PREX2: variants seen among roughly 807,000 people sequenced by gnomAD.
PREX2 encodes phosphatidylinositol 3,4,5-trisphosphate-dependent Rac exchanger 2 protein.
Under a neutral mutation model 203.2 loss-of-function variants are expected in PREX2, and 107 were observed. That is an observed-to-expected ratio of 0.53 (90% CI 0.45 to 0.62). PREX2 has a LOEUF of 0.62. Among genes scored for constraint, PREX2 ranks in the 20% least tolerant of loss-of-function variants. PREX2 has a pLI of 0.00. For missense variants in PREX2, 1,777 were observed against 1,955.9 expected, an observed-to-expected ratio of 0.91 and a Z score of 1.72; for synonymous variants, 672 against 663.6, an observed-to-expected ratio of 1.01 and a Z score of -0.19.
chr8:68,058,735 C>T (rs1002394407), intron 10 of PREX2, among the ~76,000 whole-genome samples: 6 of 152,038 alleles, frequency 3.9e-5, no homozygotes, highest in African/African-American at 4.8e-5. Flanking sequence ...TTGCCCGGCC[C>T]GACATTCTTA....
intron 33 of PREX2, among the ~76,000 whole-genome samples, chr8:68,141,862 T>A (rs1280275177): frequency 6.6e-6 from 1 of 152,204 alleles, no homozygotes; most frequent in Non-Finnish European, 1.5e-5. Context: ...CTTTTAAATA[T>A]TATATAGTCC....
At chr8:68,171,922 G>A (rs879643762) in intron 35 of PREX2, among the ~76,000 whole-genome samples, 5 of 152,070 alleles carry the variant, frequency 3.3e-5, no homozygotes, top group Admixed American at 2.6e-4. Context: ...GAGATATTAC[G>A]TGATGTGATT....
intron 8 of PREX2, among the ~76,000 whole-genome samples, chr8:68,047,490 T>G (rs1035976138): frequency 2.6e-5 from 3 of 115,290 alleles, no homozygotes; most frequent in East Asian, 2.1e-4. Context: ...TATATATATA[T>G]ATATATATAT....
At chr8:68,055,067 A>G (rs988832471) in intron 9 of PREX2, among the ~76,000 whole-genome samples, 1 of 151,970 alleles carries the variant, frequency 6.6e-6, no homozygotes, top group Admixed American at 6.6e-5. Flanking sequence ...TAACAGTGTC[A>G]CTCTTTTAAA....
At chr8:68,024,648 G>T (rs1585714865) in intron 4 of PREX2, among the ~76,000 whole-genome samples, 1 of 151,812 alleles carries the variant, frequency 6.6e-6, no homozygotes, top group South Asian at 2.1e-4. Flanking sequence ...TGTAATTATT[G>T]ATATGATGGT....
intron 36 of PREX2, 124 bp from the exon 37 acceptor site, chr8:68,192,211 C>G (rs1419566424): frequency 1.4e-6 from 1 of 692,840 alleles, no homozygotes; most frequent in Non-Finnish European, 2.4e-6. Context: ...TATTAGTAGT[C>G]TCTAATTCCA....
intron 21 of PREX2, among the ~76,000 whole-genome samples, chr8:68,094,327 G>A (rs1031089389): frequency 4.1e-4 from 63 of 152,296 alleles, no homozygotes; most frequent in African/African-American, 1.4e-3. Context: ...TTGACAGTAA[G>A]GAAAGGAGCA....
intron 1 of PREX2, among the ~76,000 whole-genome samples, chr8:67,968,070 T>TA (rs11377523): frequency 0.6 from 85,799 of 142,490 alleles, 26,053 homozygotes; most frequent in African/African-American, 0.75. Context: ...ACTTAAAGTA[T>TA]AAAAAAAAAA....
chr8:68,099,346 A>T (rs530906296), intron 22 of PREX2, among the ~76,000 whole-genome samples: 1 of 152,234 alleles, frequency 6.6e-6, no homozygotes, highest in South Asian at 2.1e-4. Flanking sequence ...AAAATATAGA[A>T]GTGTCCCACA....
At chr8:68,068,998 A>G in intron 11 of PREX2, 35 bp from the exon 12 acceptor site, 5 of 839,678 alleles carry the variant, frequency 6.0e-6, no homozygotes, top group Non-Finnish European at 9.2e-6. Context: ...CTTTTAGAGT[A>G]TCGTTATTTT....
chr8:68,129,639 C>T (rs1810961545), intron 31 of PREX2, among the ~76,000 whole-genome samples: 1 of 151,972 alleles, frequency 6.6e-6, no homozygotes, highest in Admixed American at 6.6e-5. Context: ...TGTCTAGAAA[C>T]CATCTCATTC....
Position 68,191,799 on chromosome 8 carries a change from A to ATTTTT in PREX2, c.4413+12_4413+13insTTTTT. The ATTTTT allele has an allele frequency of 6.4e-7, 1 of 1,552,870 alleles. No individual in the cohort carries two copies. Among genetic ancestry groups the ATTTTT allele is most frequent in the Non-Finnish European group, 8.9e-7 (1 of 1,128,672 alleles). On this transcript the variant is annotated intron_variant, in intron 36 of 39. Transcript: ENST00000288368. ...GCCTATGTAGATAAGGTAAAAACAG[A>ATTTTT]TGATTATATTTATTGGTGCTTTTTA...
At chr8:68,010,610 C>T (rs1189319847) in intron 1 of PREX2, among the ~76,000 whole-genome samples, 3 of 152,216 alleles carry the variant, frequency 2.0e-5, no homozygotes, top group Non-Finnish European at 4.4e-5. Flanking sequence ...TCTTCTCCAC[C>T]TCTCTGTGAG....
chr8:68,093,677 C>T lies in PREX2; in HGVS notation c.2323C>T (p.Pro775Ser), dbSNP rs145498732. Residue 775 changes from proline to serine, a missense_variant, in exon 21 of 40, where the codon CCC becomes TCC. Coordinates refer to ENST00000288368, the MANE Select transcript of PREX2 (RefSeq NM_024870.4). ...AGACCTTCAAAAATCTCACTCCAAG[C>T]CCCCTGGAGATGAAGCAGGGGATGC... ...QEDLQKSHSK[P>S]PGDEAGDAFD... 7 of 1,609,320 alleles carry T rather than the reference C, an allele frequency of 4.3e-6. No homozygotes were observed. In the African/African-American group the frequency reaches 9.4e-5, roughly 22 times the overall value.
chr8:68,047,772 G>A (rs563144805), intron 8 of PREX2, among the ~76,000 whole-genome samples: 2 of 151,530 alleles, frequency 1.3e-5, no homozygotes, highest in Non-Finnish European at 2.9e-5. Flanking sequence ...TATACTCTAT[G>A]TATGATAAAA....
In PREX2 at chr8:68,019,643, A is replaced by G; in HGVS notation, c.308A>G (p.Gln103Arg). The stretch of plus-strand genomic sequence containing the variant: ...TTACACCCCGAACCTAATGCTCAAC[A>G]AGAAGTGGGAACCTGCTTTCTTCAC... ...ECLHPEPNAQ[Q>R]EVGTCFLHFK... The change falls in exon 3 of 40, where the codon CAA becomes CGA. Residue 103 changes from glutamine (Q) to arginine (R), a missense_variant. Transcript: ENST00000288368. The G allele has an allele frequency of 6.2e-7, 1 of 1,612,168 alleles. No homozygotes were observed. The highest frequency in any genetic ancestry group is 8.5e-7 in the Non-Finnish European group (1 of 1,179,464).
chr8:68,107,059 G>A (rs7018104), intron 23 of PREX2, among the ~76,000 whole-genome samples: 72,298 of 151,862 alleles, frequency 0.48, 17,723 homozygotes, highest in African/African-American at 0.59. Context: ...ACCATCTGCC[G>A]GGGGAGCTAG....
intron 39 of PREX2, among the ~76,000 whole-genome samples, chr8:68,231,056 G>A (rs1053062180): frequency 3.9e-5 from 6 of 152,108 alleles, no homozygotes; most frequent in African/African-American, 1.4e-4. Flanking sequence ...GAACAGCCTG[G>A]GCGGTTGGCA....
intron 35 of PREX2, among the ~76,000 whole-genome samples, chr8:68,188,214 A>G (rs888121080): frequency 1.3e-5 from 2 of 152,226 alleles, no homozygotes; most frequent in African/African-American, 2.4e-5. Flanking sequence ...AATGTCATAG[A>G]TCAGATATGC....
Sources: allele counts gnomAD v4.1 joint callset (sites outside exome capture counted in the v4.1 genomes callset), GRCh38; gene constraint gnomAD v4.1.1; transcripts MANE v1.5; gene names NCBI Gene and HGNC (gene_info 2026-07-23, HGNC 2026-07-21).